TTLL7: variants seen among roughly 807,000 people sequenced by gnomAD.
TTLL7 encodes the protein tubulin polyglutamylase TTLL7.
Under a neutral mutation model 120.2 loss-of-function variants are expected in TTLL7, and 53 were observed. The observed-to-expected ratio is 0.44, with a 90% CI of 0.35 to 0.55. The LOEUF is 0.55. Among genes scored for constraint, TTLL7 ranks in the 20% least tolerant of loss-of-function variants. The pLI is 0.00. For synonymous variants in TTLL7, 353 were observed against 351.7 expected (o/e 1.00, Z -0.04); for missense variants, 803 against 1,054.7 (o/e 0.76, Z 3.31).
intron 1 of TTLL7, among the ~76,000 whole-genome samples, chr1:83,953,503 T>G (rs143437793): frequency 3.9e-5 from 6 of 152,256 alleles, no homozygotes; most frequent in African/African-American, 1.2e-4. Context: ...AAAGAAAATT[T>G]AGGGTTTTAT....
At chr1:83,977,625 C>T (rs772754437) in intron 1 of TTLL7, among the ~76,000 whole-genome samples, 5 of 152,094 alleles carry the variant, frequency 3.3e-5, no homozygotes, top group African/African-American at 4.8e-5. Context: ...GCAGCATCCA[C>T]AATTCTGATG....
chr1:83,924,557 G>C (rs1172217133), intron 10 of TTLL7, among the ~76,000 whole-genome samples: 2 of 152,134 alleles, frequency 1.3e-5, no homozygotes, highest in Non-Finnish European at 1.5e-5. Context: ...ATGGTTTCCA[G>C]GGACTGGGGA....
At chr1:83,945,954 A>G (rs926736963) in intron 6 of TTLL7, 7 of 152,164 alleles carry the variant, frequency 4.6e-5, no homozygotes, top group South Asian at 2.1e-4. Flanking sequence ...TTGGATTATT[A>G]AGTTATGATT....
intron 1 of TTLL7, among the ~76,000 whole-genome samples, chr1:83,983,413 G>A (rs1652160662): frequency 6.6e-6 from 1 of 152,148 alleles, no homozygotes; most frequent in Admixed American, 6.6e-5. Context: ...CTAGCCACAT[G>A]CAGAAGCAAG....
chr1:83,921,442 G>A (rs969480031), intron 10 of TTLL7, 48 bp from the exon 11 acceptor site: 2 of 1,588,220 alleles, frequency 1.3e-6, no homozygotes, highest in Non-Finnish European at 1.7e-6. Flanking sequence ...AACAAGTTCT[G>A]ATCTTATCCC....
intron 1 of TTLL7, among the ~76,000 whole-genome samples, chr1:83,984,522 C>CTTG (rs1652270131): frequency 3.3e-5 from 5 of 152,170 alleles, no homozygotes; most frequent in Non-Finnish European, 7.3e-5. Flanking sequence ...ATGAAATCAA[C>CTTG]CGAGGTGCCC....
In TTLL7 at chr1:83,911,363, G is replaced by T; in HGVS notation, c.1588C>A (p.Pro530Thr). 6.3e-7 allele frequency: 1 copy of T among 1,597,988 alleles called. No homozygotes were observed. Among genetic ancestry groups the T allele is most frequent in the Non-Finnish European group, 8.5e-7 (1 of 1,174,018 alleles). Residue 530 changes from proline (P) to threonine (T), a missense_variant and splice_region_variant, in exon 15 of 21, where the codon CCT becomes ACT. Coordinates refer to ENST00000260505, the MANE Select transcript of TTLL7 (RefSeq NM_024686.6). ...GKTTKTRGPK[P>T]LCSMPESTEI... ...GTACTCTCAGGCATAGAACACAGAG[G>T]CTAAAAAAGATGGAAATGTGTTATT...
At chr1:83,889,851 T>C in intron 19 of TTLL7, 1 of 454,012 alleles carries the variant, frequency 2.2e-6, no homozygotes, top group Non-Finnish European at 4.4e-6. Flanking sequence ...GCCCCTGTGA[T>C]ATCCAACTTG....
chr1:83,978,590 G>C (rs1651696829), intron 1 of TTLL7, among the ~76,000 whole-genome samples: 1 of 151,976 alleles, frequency 6.6e-6, no homozygotes, highest in Non-Finnish European at 1.5e-5. Flanking sequence ...AAAATAGGTG[G>C]CAAAAATTAT....
chr1:83,898,448 A>G (rs1238188216), intron 18 of TTLL7, among the ~76,000 whole-genome samples: 1 of 152,010 alleles, frequency 6.6e-6, no homozygotes, highest in Non-Finnish European at 1.5e-5. Context: ...GTCCAAGGTA[A>G]AGGCCATAGG....
intron 9 of TTLL7, among the ~76,000 whole-genome samples, chr1:83,933,186 C>T (rs931920935): frequency 1.3e-5 from 2 of 151,886 alleles, no homozygotes; most frequent in African/African-American, 4.8e-5. Context: ...ATTAATGAAC[C>T]AATTGGAGCC....
intron 1 of TTLL7, among the ~76,000 whole-genome samples, chr1:83,960,540 G>A (rs1649921637): frequency 6.6e-6 from 1 of 152,136 alleles, no homozygotes; most frequent in African/African-American, 2.4e-5. Context: ...AATTCATCAA[G>A]AGAAGGCTTG....
intron 15 of TTLL7, among the ~76,000 whole-genome samples, chr1:83,909,311 G>A (rs1311634543): frequency 3.4e-5 from 4 of 117,164 alleles, no homozygotes; most frequent in South Asian, 2.7e-4. Context: ...TAGAAATTCA[G>A]ATAGAAAAAC....
chr1:83,913,153 C>T (rs996327601), intron 14 of TTLL7: 1 of 152,134 alleles, frequency 6.6e-6, no homozygotes, highest in African/African-American at 2.4e-5. Flanking sequence ...GTCACAGCAA[C>T]ATAAACTCTA....
chr1:83,954,476 CA>C (rs1319791847), intron 1 of TTLL7, among the ~76,000 whole-genome samples: 1 of 152,164 alleles, frequency 6.6e-6, no homozygotes, highest in African/African-American at 2.4e-5. Context: ...TTTATCCCAC[CA>C]CTCATTTGAA....
intron 7 of TTLL7, among the ~76,000 whole-genome samples, chr1:83,938,603 T>C (rs1315758097): frequency 2.0e-5 from 3 of 152,198 alleles, no homozygotes; most frequent in African/African-American, 7.2e-5. Context: ...CATAATACTG[T>C]GCAGGTGTAC....
At chr1:83,969,611 G>C (rs1201457463) in intron 1 of TTLL7, among the ~76,000 whole-genome samples, 2 of 151,914 alleles carry the variant, frequency 1.3e-5, no homozygotes, top group African/African-American at 4.8e-5. Context: ...AAGTGTTTAT[G>C]CTTTTGATTT....
In TTLL7 at chr1:83,883,198, A is replaced by G. The variant is rs1654667234; in HGVS notation, c.2370-62T>C. 2.9e-6 allele frequency: 4 copies of G among 1,377,964 alleles called. No individual in the cohort carries two copies. In the Admixed American group the frequency reaches 7.1e-5, roughly 24 times the overall value. 85.4% of individuals were successfully genotyped at this position (1,377,964 alleles called of 1,614,324 possible). On this transcript the variant is annotated intron_variant, in intron 19 of 20. Coordinates refer to ENST00000260505, the MANE Select transcript of TTLL7 (RefSeq NM_024686.6). ...TGTTAAAAATGACAACCAGCTATAT[A>G]TCACTTCCCTAGCAACAAACCAATA...
intron 1 of TTLL7, chr1:83,981,487 G>A (rs1557794498): frequency 6.6e-6 from 1 of 151,546 alleles, no homozygotes; most frequent in African/African-American, 2.4e-5. Flanking sequence ...AAACAAGATG[G>A]CTTCAAAATA....
Sources: allele counts gnomAD v4.1 joint callset (sites outside exome capture counted in the v4.1 genomes callset), GRCh38; gene constraint gnomAD v4.1.1; transcripts MANE v1.5; gene names NCBI Gene and HGNC (gene_info 2026-07-23, HGNC 2026-07-21).